Variants in HEATR1 observed in about 807,000 individuals in gnomAD.
HEATR1 encodes the protein HEAT repeat-containing protein 1.
Under a neutral mutation model 248.2 loss-of-function variants are expected in HEATR1, and 77 were observed. The ratio of observed to expected loss-of-function variants is 0.31; its 90% CI spans 0.26 to 0.37. The LOEUF (loss-of-function observed/expected upper bound fraction) is 0.37. HEATR1 is among the 10% of genes least tolerant of loss of function. The probability of loss-of-function intolerance (pLI) is 1.00; values close to 1 mark genes in which losing one functional copy is unlikely to be tolerated. For missense variants in HEATR1, 2,420 were observed against 2,504.9 expected (o/e 0.97, Z 0.72); for synonymous variants, 897 against 923.1 (o/e 0.97, Z 0.51).
At chr1:236,590,196 T>C (rs1053670037) in intron 12 of HEATR1, among the ~76,000 whole-genome samples, 9 of 152,152 alleles carry the variant, frequency 5.9e-5, no homozygotes, top group Admixed American at 2.0e-4. Context: ...TCCCAAAATA[T>C]GTCTTCATCT....
At chr1:236,574,588 C>T (rs78822940) in intron 23 of HEATR1, 73 bp downstream of exon 23, 41,002 of 1,417,760 alleles carry the variant, frequency 0.029, 878 homozygotes, top group Admixed American at 0.11. Context: ...TTTTTTTTAA[C>T]GCTGTTCCTG....
chr1:236,568,248 C>T (rs565247371), intron 29 of HEATR1, among the ~76,000 whole-genome samples: 88 of 152,248 alleles, frequency 5.8e-4, no homozygotes, highest in African/African-American at 1.8e-3. Context: ...TTTACTTATT[C>T]GACTGGCACT....
At chr1:236,593,415 T>G (rs1256171997) in intron 9 of HEATR1, among the ~76,000 whole-genome samples, 1 of 151,938 alleles carries the variant, frequency 6.6e-6, no homozygotes, top group East Asian at 1.9e-4. Context: ...GGGGCATGAA[T>G]GATGCACACC....
intron 34 of HEATR1, 151 bp from the exon 35 acceptor site, chr1:236,559,286 A>C (rs1395775514): frequency 1.6e-6 from 1 of 619,804 alleles, no homozygotes; most frequent in African/African-American, 1.9e-5. Context: ...ATAACCTTTC[A>C]GGTAGGCATT....
intron 32 of HEATR1, among the ~76,000 whole-genome samples, chr1:236,562,191 TTCC>T (rs893923688): frequency 2.0e-5 from 3 of 152,238 alleles, no homozygotes; most frequent in Non-Finnish European, 2.9e-5. Context: ...CCATCTGTAA[TTCC>T]TCTTCAGTGA....
Position 236,576,842 on chromosome 1 carries a change from T to C in HEATR1, c.2863A>G (p.Ile955Val), listed in dbSNP as rs766753791. 24 of 1,613,944 alleles carry C rather than the reference T, an allele frequency of 1.5e-5. No individual in the cohort carries two copies. The highest frequency in any genetic ancestry group is 1.9e-5 in the Non-Finnish European group (23 of 1,179,992). Reference protein sequence around the residue: ...LSGVASPFYLIIDHLISKAEE... With the variant: ...LSGVASPFYLVIDHLISKAEE... ...GCTTTAGAAATCAAATGATCTATTA[T>C]CAGATAAAACGGGGATGCCACTCCA... is the stretch of plus-strand genomic sequence containing the variant. The change falls in exon 21 of 45, where the codon ATA (isoleucine) becomes GTA (valine). Residue 955 changes from isoleucine (I) to valine (V), a missense_variant. Ile to Val is a conservative substitution (Grantham distance 29). Coordinates refer to ENST00000366582, the MANE Select transcript of HEATR1 (RefSeq NM_018072.6).
rs776644219 is a variant in HEATR1, at chr1:236,558,424, T to C, written c.5017A>G (p.Thr1673Ala). The C allele has an allele frequency of 1.9e-6, 3 of 1,614,210 alleles. No homozygotes were observed. The highest frequency in any genetic ancestry group is 2.5e-6 in the Non-Finnish European group (3 of 1,180,018). The change falls in exon 36 of 45, where the codon ACC becomes GCC. Residue 1673 changes from threonine to alanine, a missense_variant. Physicochemically the swap from Thr to Ala is moderately conservative, Grantham distance 58 (BLOSUM62 0). Transcript: ENST00000366582. Reference protein sequence around the residue: ...QAINRQTALYTLKLLCKNFGA... With the variant: ...QAINRQTALYALKLLCKNFGA... ...AAATTCTTGCATAAAAGCTTTAAGG[T>C]ATACAACGCTGTCTGTCTGTTGATT... is the stretch of plus-strand genomic sequence containing the variant.
intron 35 of HEATR1, 81 bp downstream of exon 35, chr1:236,558,914 T>C: frequency 8.5e-7 from 1 of 1,183,156 alleles, no homozygotes; most frequent in East Asian, 2.5e-5. Flanking sequence ...ATTGTACCAC[T>C]AGAGAAATTG....
intron 17 of HEATR1, among the ~76,000 whole-genome samples, chr1:236,583,484 CTTTTT>C (rs373107503): frequency 1.0e-4 from 12 of 115,228 alleles, no homozygotes; most frequent in Non-Finnish European, 1.1e-4. Flanking sequence ...AGGCATATTT[CTTTTT>C]TTTTTTTTTT....
chr1:236,558,630 C>T (rs1351895923), intron 35 of HEATR1, 101 bp from the exon 36 acceptor site: 2 of 1,182,266 alleles, frequency 1.7e-6, no homozygotes, highest in Non-Finnish European at 2.4e-6. Flanking sequence ...GGAAATCAGA[C>T]TCGGGGGTCC....
intron 28 of HEATR1, among the ~76,000 whole-genome samples, chr1:236,570,718 C>A (rs961408501): frequency 1.3e-5 from 2 of 151,792 alleles, no homozygotes; most frequent in African/African-American, 4.8e-5. Flanking sequence ...ATTATCAACC[C>A]CTTTGAGAAG....
At chr1:236,573,288 C>T (rs182432550) in intron 24 of HEATR1, among the ~76,000 whole-genome samples, 4 of 152,008 alleles carry the variant, frequency 2.6e-5, no homozygotes, top group Non-Finnish European at 5.9e-5. Context: ...TTCCAAGTGC[C>T]GGATCAGATA....
intron 3 of HEATR1, among the ~76,000 whole-genome samples, chr1:236,600,010 G>C (rs981877600): frequency 1.3e-5 from 2 of 151,314 alleles, no homozygotes; most frequent in Non-Finnish European, 2.9e-5. Context: ...CTCCCACCTA[G>C]GTCTCCTGAG....
rs1043450747 is a variant in HEATR1 at position 236,569,253 on chromosome 1, G to A, written c.3949-129C>T. On this transcript the variant is annotated intron_variant, in intron 28 of 44. Transcript: ENST00000366582. ...TGCAGTTGTGTGATCACAGTTCACT[G>A]AAACCTTGGACTCCTAAGCTCAAGC... The A allele has an allele frequency of 9.2e-6, 6 of 652,302 alleles. No individual in the cohort carries two copies. In the African/African-American group the frequency reaches 1.2e-4, roughly 13 times the overall value. 40.4% of individuals were successfully genotyped at this position (652,302 alleles called of 1,614,324 possible). A position where few individuals can be genotyped will look rare whatever the true frequency, so the allele number is the denominator to read the frequency against.
chr1:236,563,244 A>G (rs950618094), intron 32 of HEATR1, among the ~76,000 whole-genome samples: 2 of 151,984 alleles, frequency 1.3e-5, no homozygotes, highest in African/African-American at 4.8e-5. Context: ...ATTCCCATCT[A>G]TCCTGCACTG....
rs1664053804 is a variant in HEATR1 at position 236,592,108 on chromosome 1, T to C, written c.1307A>G (p.Tyr436Cys). 1.3e-6 allele frequency: 2 copies of C among 1,511,292 alleles called. No individual in the cohort carries two copies. The highest frequency in any genetic ancestry group is 1.8e-6 in the Non-Finnish European group (2 of 1,097,600). 93.6% of individuals were successfully genotyped at this position (1,511,292 alleles called of 1,614,324 possible). ...TAATACAACATCTAATGTTCTGGGG[T>C]ATCTGGGAAGCAATTAAAAAGTGAA... ...LPLIRLLESK[Y>C]PRTLDVVLEE... Residue 436 changes from tyrosine to cysteine, a missense_variant and splice_region_variant, in exon 11 of 45, where the codon TAC becomes TGC. Transcript: ENST00000366582.
intron 22 of HEATR1, 77 bp from the exon 23 acceptor site, chr1:236,574,980 G>A: frequency 7.2e-7 from 1 of 1,390,970 alleles, no homozygotes; most frequent in Non-Finnish European, 9.7e-7. Flanking sequence ...GACACTCAAA[G>A]CCTGCTGGAA....
intron 20 of HEATR1, among the ~76,000 whole-genome samples, chr1:236,578,463 G>C (rs929704745): frequency 2.0e-5 from 3 of 152,272 alleles, no homozygotes; most frequent in Admixed American, 1.3e-4. Flanking sequence ...TTGATTTGAG[G>C]AATTTTTGAT....
intron 26 of HEATR1, 144 bp downstream of exon 26, chr1:236,572,267 C>T: frequency 3.0e-6 from 3 of 992,036 alleles, no homozygotes. Context: ...TACCTAAAAC[C>T]AATCTTTTAA....
Sources: gnomAD v4.1 joint callset for allele counts (sites outside exome capture counted in the v4.1 genomes callset) on GRCh38, gnomAD v4.1.1 for gene constraint, MANE v1.5 for transcripts, NCBI Gene and HGNC (gene_info 2026-07-23, HGNC 2026-07-21) for gene names.